Variants in COX7B2 observed in about 807,000 individuals in gnomAD.
COX7B2 encodes the protein cytochrome c oxidase subunit 7B2, mitochondrial.
For synonymous variants in COX7B2, 37 were observed against 32.1 expected (o/e 1.15, Z -0.51); for missense variants, 109 against 95.9 (o/e 1.14, Z -0.57).
chr4:46,817,834 G>A (rs1719634578), intron 2 of COX7B2, among the ~76,000 whole-genome samples: 1 of 152,064 alleles, frequency 6.6e-6, no homozygotes. Context: ...AGAGCTGGAG[G>A]GTCACCCTAC....
At chr4:46,895,066 G>A (rs1022621104) in intron 1 of COX7B2, among the ~76,000 whole-genome samples, 3 of 152,136 alleles carry the variant, frequency 2.0e-5, no homozygotes, top group Non-Finnish European at 1.5e-5. Context: ...AACCATTGTG[G>A]AAAGCAGCGT....
At chr4:46,835,835 A>G (rs1406935006) in intron 2 of COX7B2, among the ~76,000 whole-genome samples, 1 of 152,212 alleles carries the variant, frequency 6.6e-6, no homozygotes, top group African/African-American at 2.4e-5. Flanking sequence ...TCAATCATAC[A>G]GCCTACTACA....
chr4:46,842,474 A>G (rs939947469), intron 2 of COX7B2, among the ~76,000 whole-genome samples: 1 of 152,150 alleles, frequency 6.6e-6, no homozygotes, highest in African/African-American at 2.4e-5. Flanking sequence ...ATATGTATAC[A>G]TGTGCCATGC....
chr4:46,803,907 G>A (rs1044278529), intron 2 of COX7B2, among the ~76,000 whole-genome samples: 2 of 152,172 alleles, frequency 1.3e-5, no homozygotes, highest in East Asian at 3.9e-4. Flanking sequence ...AGGTCTCTTA[G>A]GAAAACACTG....
rs950180052 is a variant in COX7B2, at chr4:46,844,968, A to C, written c.-58T>G. ...CCATATTTTCTCGTTACCTGTTAGAAATCTGAAGCTCAAATGCTCTCCTCA... is the reference window on the plus strand; with the variant it reads ...CCATATTTTCTCGTTACCTGTTAGACATCTGAAGCTCAAATGCTCTCCTCA... On this transcript the variant is annotated 5_prime_UTR_variant, in exon 2 of 3. In the 5' UTR this introduces an upstream ATG that the reference lacks. Transcript: ENST00000355591. 6.6e-6 allele frequency: 1 copy of C among 151,988 alleles called. No homozygotes were observed. Among genetic ancestry groups the C allele is most frequent in the African/African-American group, 2.4e-5 (1 of 41,422 alleles). 9.4% of individuals were successfully genotyped at this position (151,988 alleles called of 1,614,324 possible). A position where few individuals can be genotyped will look rare whatever the true frequency, so the allele number is the denominator to read the frequency against.
intron 2 of COX7B2, among the ~76,000 whole-genome samples, chr4:46,838,712 G>A (rs930420040): frequency 3.3e-5 from 5 of 151,974 alleles, no homozygotes; most frequent in African/African-American, 9.7e-5. Context: ...CTAGATCATT[G>A]GCAGCTTTCA....
chr4:46,765,398 C>T (rs758517249), intron 2 of COX7B2, among the ~76,000 whole-genome samples: 5 of 152,136 alleles, frequency 3.3e-5, no homozygotes, highest in Non-Finnish European at 7.4e-5. Flanking sequence ...AATCCTAGTA[C>T]TAGACCAGCC....
chr4:46,800,982 G>C (rs1279503342), intron 2 of COX7B2, among the ~76,000 whole-genome samples: 1 of 151,834 alleles, frequency 6.6e-6, no homozygotes, highest in African/African-American at 2.4e-5. Flanking sequence ...CAGCCAACAG[G>C]CATATGAAAA....
chr4:46,880,903 T>A (rs995932703), intron 1 of COX7B2, among the ~76,000 whole-genome samples: 1 of 145,990 alleles, frequency 6.8e-6, no homozygotes, highest in Non-Finnish European at 1.5e-5. Flanking sequence ...AGATGACACA[T>A]TAGTGGGTGC....
chr4:46,738,093 C>A (rs1560342368), intron 2 of COX7B2, among the ~76,000 whole-genome samples: 1 of 152,094 alleles, frequency 6.6e-6, no homozygotes, highest in Non-Finnish European at 1.5e-5. Flanking sequence ...ACAGGTGCAG[C>A]CTTAATCCAG....
chr4:46,861,239 T>C (rs150739978), intron 1 of COX7B2, among the ~76,000 whole-genome samples: 1 of 152,182 alleles, frequency 6.6e-6, no homozygotes, highest in African/African-American at 2.4e-5. Context: ...TGTTTGCTGG[T>C]GAATGCAGTT....
rs1718345284 is a variant in COX7B2, at chr4:46,796,377, C to G, written c.-50+48583G>C. ...CACTGGCCATCAGAGAAATGCAAATCAAAACCACTATGAGATATCATCTCA... is the reference window on the plus strand; with the variant it reads ...CACTGGCCATCAGAGAAATGCAAATGAAAACCACTATGAGATATCATCTCA... On this transcript the variant is annotated intron_variant, in intron 2 of 2. Coordinates refer to ENST00000355591, the MANE Select transcript of COX7B2 (RefSeq NM_130902.3). Among the ~76,000 whole-genome samples, 4 of 147,888 alleles carry G rather than the reference C, an allele frequency of 2.7e-5. 1 individual carries two copies. In the South Asian group the frequency reaches 8.5e-4, roughly 31 times the overall value.
chr4:46,793,111 T>C (rs1303897356), intron 2 of COX7B2, among the ~76,000 whole-genome samples: 1 of 152,214 alleles, frequency 6.6e-6, no homozygotes, highest in Non-Finnish European at 1.5e-5. Flanking sequence ...AGATTTCTCT[T>C]GTAGACTAAG....
chr4:46,765,162 AC>A (rs371745433), intron 2 of COX7B2, among the ~76,000 whole-genome samples: 331 of 152,232 alleles, frequency 2.2e-3, no homozygotes, highest in African/African-American at 7.5e-3. Flanking sequence ...ATGAAAAAAA[AC>A]ATTCTCAAGA....
chr4:46,808,943 A>C (rs888506974), intron 2 of COX7B2, among the ~76,000 whole-genome samples: 1 of 151,804 alleles, frequency 6.6e-6, no homozygotes, highest in Non-Finnish European at 1.5e-5. Flanking sequence ...TATTTTACTA[A>C]GGATTTTTGC....
At chr4:46,854,314 T>A (rs1265066554) in intron 1 of COX7B2, among the ~76,000 whole-genome samples, 2 of 152,160 alleles carry the variant, frequency 1.3e-5, no homozygotes, top group Non-Finnish European at 2.9e-5. Flanking sequence ...AAGGACATCT[T>A]AATATAGATC....
intron 2 of COX7B2, among the ~76,000 whole-genome samples, chr4:46,804,150 T>C (rs1463345508): frequency 6.6e-6 from 1 of 152,174 alleles, no homozygotes; most frequent in East Asian, 1.9e-4. Flanking sequence ...GGAGTTGTTG[T>C]TCCTCGCGGT....
chr4:46,836,913 C>T (rs1715552257), intron 2 of COX7B2, among the ~76,000 whole-genome samples: 1 of 152,038 alleles, frequency 6.6e-6, no homozygotes, highest in African/African-American at 2.4e-5. Context: ...ACATATGCAG[C>T]CTACCCTTAA....
intron 2 of COX7B2, among the ~76,000 whole-genome samples, chr4:46,748,226 A>G (rs1359181485): frequency 6.6e-6 from 1 of 152,204 alleles, no homozygotes; most frequent in Non-Finnish European, 1.5e-5. Flanking sequence ...ATGTCTTACA[A>G]CAATTGTCAC....
Sources: gnomAD v4.1 joint callset for allele counts (sites outside exome capture counted in the v4.1 genomes callset) on GRCh38, gnomAD v4.1.1 for gene constraint, MANE v1.5 for transcripts, NCBI Gene and HGNC (gene_info 2026-07-23, HGNC 2026-07-21) for gene names.